Variants in PRR5 observed in about 807,000 individuals in gnomAD.
The protein encoded by PRR5 is proline-rich protein 5.
In PRR5, 25 loss-of-function variants were observed where a neutral mutation model predicts 30.6. The ratio of observed to expected loss-of-function variants is 0.82; its 90% CI spans 0.60 to 1.14. PRR5 has a LOEUF of 1.14. Among genes scored for constraint, PRR5 ranks in the 50% most tolerant of loss-of-function variants. The pLI, the probability that PRR5 is intolerant of heterozygous loss-of-function variation, is 0.00. For missense variants in PRR5, 600 were observed against 547.1 expected, an observed-to-expected ratio of 1.10 and a Z score of -0.96; for synonymous variants, 286 against 247.1, an observed-to-expected ratio of 1.16 and a Z score of -1.48.
chr22:44,713,752 T>C (rs1160948599), intron 1 of PRR5, among the ~76,000 whole-genome samples: 2 of 152,244 alleles, frequency 1.3e-5, no homozygotes, highest in African/African-American at 4.8e-5. Context: ...ATTTGCTTTC[T>C]ATCCCTTCAC....
Position 44,702,432 on chromosome 22 carries a change from G to A in PRR5, c.-43G>A. ...TTGGTGCGGCGTGGCGCAGGGCGCG[G>A]CGTGGGGCGCGCGTGGGCGCGGCGC... On this transcript the variant is annotated 5_prime_UTR_variant, in exon 1 of 8. Transcript: ENST00000336985. The A allele has an allele frequency of 7.8e-7, 1 of 1,280,210 alleles. No individual in the cohort carries two copies. The highest frequency in any genetic ancestry group is 9.9e-7 in the Non-Finnish European group (1 of 1,011,322). 79.3% of individuals were successfully genotyped at this position (1,280,210 alleles called of 1,614,324 possible).
intron 1 of PRR5, among the ~76,000 whole-genome samples, chr22:44,682,226 C>G (rs1201847459): frequency 6.6e-6 from 1 of 152,232 alleles, no homozygotes; most frequent in Non-Finnish European, 1.5e-5. Context: ...AGGCCTCTGG[C>G]CACAGTGCCG....
rs768700455 is a variant in PRR5, at chr22:44,725,212, G to C, written c.216-32G>C. ...CCCCATGCCAGTGCCGTGTGGTCTG[G>C]GACTCACTCTTGTCTCACCTCCCAC... On this transcript the variant is annotated intron_variant, in intron 2 of 7. Transcript: ENST00000336985. 2.8e-5 allele frequency: 45 copies of C among 1,613,248 alleles called. 1 individual carries two copies. The Middle Eastern group carries it at 8.3e-4, about 30-fold the overall frequency.
At chr22:44,718,896 G>C (rs936357144) in intron 2 of PRR5, among the ~76,000 whole-genome samples, 1 of 152,142 alleles carries the variant, frequency 6.6e-6, no homozygotes, top group Non-Finnish European at 1.5e-5. Context: ...TGTGGATCTA[G>C]AGTCTGTTAG....
At chr22:44,671,127 G>A (rs773960168) in intron 1 of PRR5, among the ~76,000 whole-genome samples, 2 of 152,204 alleles carry the variant, frequency 1.3e-5, no homozygotes, top group African/African-American at 2.4e-5. Flanking sequence ...TCAGATGGCA[G>A]TGTGGGTCAC....
intron 2 of PRR5, among the ~76,000 whole-genome samples, chr22:44,723,437 G>A (rs1930234244): frequency 6.6e-6 from 1 of 152,092 alleles, no homozygotes; most frequent in South Asian, 2.1e-4. Context: ...TAAAACATTG[G>A]GGCCAGGTGC....
chr22:44,717,329 T>C (rs1051458571), intron 2 of PRR5, among the ~76,000 whole-genome samples: 1 of 151,592 alleles, frequency 6.6e-6, no homozygotes, highest in African/African-American at 2.4e-5. Flanking sequence ...GTAGCTGGGA[T>C]TACAGGCACA....
rs1253160671 is a variant in PRR5, at chr22:44,729,861, A to G, written c.323-1869A>G. On this transcript the variant is annotated intron_variant, in intron 4 of 7. Coordinates refer to ENST00000336985, the MANE Select transcript of PRR5 (RefSeq NM_181333.4). ...GCAGGCCTGGCCGGTGCCCAGAGCC[A>G]CCCCCCGGCCAGCCCGGGAACTGAG... 5 of 985,164 alleles carry G rather than the reference A, an allele frequency of 5.1e-6. No individual in the cohort carries two copies. In the East Asian group the frequency reaches 5.7e-4, roughly 112 times the overall value. The allele number at this position is 985,164 out of a possible 1,614,324, so 61.0% of individuals were successfully genotyped here.
intron 2 of PRR5, among the ~76,000 whole-genome samples, chr22:44,717,953 G>C (rs6006851): frequency 0.24 from 37,014 of 151,974 alleles, 5,182 homozygotes; most frequent in South Asian, 0.41. Context: ...GACCTCAGGT[G>C]ATCCACCTGC....
intron 1 of PRR5, among the ~76,000 whole-genome samples, chr22:44,712,550 G>A (rs904486760): frequency 6.6e-6 from 1 of 152,236 alleles, no homozygotes; most frequent in Non-Finnish European, 1.5e-5. Flanking sequence ...AGGGGCCCAA[G>A]ATGCTGGCCG....
intron 2 of PRR5, 126 bp downstream of exon 2, chr22:44,714,797 C>A: frequency 7.7e-7 from 1 of 1,291,314 alleles, no homozygotes. Context: ...TAGAGGCCAT[C>A]TGTCAACAGG....
At chr22:44,701,881 C>T (rs1926333041), upstream of PRR5, among the ~76,000 whole-genome samples, 1 of 152,032 alleles carries the variant, frequency 6.6e-6, no homozygotes, top group Non-Finnish European at 1.5e-5. Flanking sequence ...ACCTCCGGGG[C>T]CGGGGTCGAA....
chr22:44,730,088 C>A, intron 4 of PRR5: 2 of 985,452 alleles, frequency 2.0e-6, no homozygotes. Flanking sequence ...CAGCTCGGCC[C>A]CAGCCCCCAG....
rs1234224989 is a variant in PRR5 at position 44,702,351 on chromosome 22, G to A, written c.-124G>A. The stretch of plus-strand genomic sequence containing the variant: ...GGGCGGGACCCCGCAGGACCGCTCG[G>A]CTTCCTGCTCTCGCCGGAGTTTCCG... On this transcript the variant is annotated 5_prime_UTR_variant, in exon 1 of 8. Transcript: ENST00000336985. 1.4e-5 allele frequency: 16 copies of A among 1,180,116 alleles called. No homozygotes were observed. Among genetic ancestry groups the A allele is most frequent in the Middle Eastern group, 3.4e-4 (1 of 2,952 alleles). The allele number at this position is 1,180,116 out of a possible 1,614,324, so 73.1% of individuals were successfully genotyped here. A position where few individuals can be genotyped will look rare whatever the true frequency, so the allele number is the denominator to read the frequency against.
chr22:44,734,831 A>T, intron 6 of PRR5, 196 bp from the exon 7 acceptor site: 1 of 699,988 alleles, frequency 1.4e-6, no homozygotes, highest in Non-Finnish European at 2.3e-6. Flanking sequence ...TGTGAGCAGC[A>T]GAGTGACTCA....
Position 44,691,947 on chromosome 22 carries a change from C to T in PRR5, c.-10-10545C>T, listed in dbSNP as rs1925276715. Among the ~76,000 whole-genome samples the T allele has an allele frequency of 6.6e-6, 1 of 152,078 alleles. No individual in the cohort carries two copies. The highest frequency in any genetic ancestry group is 1.9e-4 in the East Asian group (1 of 5,174). The stretch of plus-strand genomic sequence containing the variant: ...GCCGACATCACCTCCACAGTCGGCT[C>T]TGTGGGCTCAATTGATGCCATCAGG... On this transcript the variant is annotated intron_variant, in intron 1 of 8. Coordinates refer to the PRR5 transcript ENST00000006251. This position sits in a 1 kb window ranked among gnomAD's most constrained non-coding sequence, Gnocchi z 4.4.
chr22:44,728,449 T>C lies in PRR5; in HGVS notation c.322+1815T>C, dbSNP rs563220065. Among the ~76,000 whole-genome samples the C allele has an allele frequency of 1.4e-4, 22 of 152,258 alleles. No homozygotes were observed. In the South Asian group the frequency reaches 4.4e-3, roughly 30 times the overall value. ...TGCCCTTCAGGGACTCACAGCCCAA[T>C]TGGGGACACAGACACGGACCCGAGG... On this transcript the variant is annotated intron_variant, in intron 4 of 7. Transcript: ENST00000336985.
intron 4 of PRR5, 161 bp from the exon 5 acceptor site, chr22:44,731,558 CAGGGCCATAGA>C: frequency 1.5e-6 from 1 of 647,114 alleles, no homozygotes; most frequent in Non-Finnish European, 2.8e-6. Flanking sequence ...GCAGTGGGCC[CAGGGCCATAGA>C]ACAGCTGAGC....
chr22:44,679,639 G>C, intron 1 of PRR5: 1 of 583,172 alleles, frequency 1.7e-6, no homozygotes, highest in Admixed American at 3.1e-5. Context: ...CCCAGGAGGC[G>C]CGGTTGCAGT....
Sources: allele counts gnomAD v4.1 joint callset (sites outside exome capture counted in the v4.1 genomes callset), GRCh38; gene constraint gnomAD v4.1.1; non-coding constraint Gnocchi (gnomAD v3.1); transcripts MANE v1.5; gene names NCBI Gene and HGNC (gene_info 2026-07-23, HGNC 2026-07-21).